PLAC1: variants seen among roughly 807,000 people sequenced by gnomAD.
PLAC1 encodes the protein placenta associated 1, also known as placenta-specific protein 1.
For synonymous variants in PLAC1, 68 were observed against 62.1 expected, an observed-to-expected ratio of 1.09 and a Z score of -0.44; for missense variants, 136 against 163.2, an observed-to-expected ratio of 0.83 and a Z score of 0.91.
intron 1 of PLAC1, among the ~76,000 whole-genome samples, chrX:134,635,123 A>T (rs2078277637): frequency 9.0e-6 from 1 of 111,607 alleles, no homozygotes; most frequent in South Asian, 3.8e-4. Context: ...TTGTTAAGGG[A>T]ACAACTTTTA....
chrX:134,590,948 T>G (rs1235528861), intron 2 of PLAC1, among the ~76,000 whole-genome samples: 1 of 106,381 alleles, frequency 9.4e-6, no homozygotes. Flanking sequence ...ACATCAGTTG[T>G]CAGATACAGA....
At chrX:134,575,956 A>T (rs2077936972) in intron 2 of PLAC1, among the ~76,000 whole-genome samples, 1 of 108,354 alleles carries the variant, frequency 9.2e-6, no homozygotes, top group Non-Finnish European at 1.9e-5. Context: ...ATATCTAATA[A>T]TATATACATA....
intron 2 of PLAC1, chrX:134,599,436 C>G (rs1261530169): frequency 9.0e-6 from 1 of 111,723 alleles, no homozygotes; most frequent in Non-Finnish European, 1.9e-5. Flanking sequence ...CTCAGCACTT[C>G]TCTCTCCTGC....
intron 2 of PLAC1, among the ~76,000 whole-genome samples, chrX:134,684,527 C>T (rs1482300556): frequency 9.0e-6 from 1 of 110,510 alleles, no homozygotes; most frequent in East Asian, 2.8e-4. Context: ...CCTCGAAAGA[C>T]AGGTCATCTG....
At chrX:134,591,362 T>C (rs754666264) in intron 2 of PLAC1, among the ~76,000 whole-genome samples, 1 of 112,573 alleles carries the variant, frequency 8.9e-6, no homozygotes, top group Non-Finnish European at 1.9e-5. Context: ...CCTGGGTGCT[T>C]CTTTTGCCAA....
intron 2 of PLAC1, among the ~76,000 whole-genome samples, chrX:134,698,758 C>T (rs898165750): frequency 2.7e-5 from 3 of 111,714 alleles, no homozygotes; most frequent in Non-Finnish European, 5.6e-5. Flanking sequence ...TGACATCTCC[C>T]CTTGAGCTCT....
chrX:134,634,140 G>GA lies in PLAC1; in HGVS notation c.-131+24187dup, dbSNP rs771265698. Among the ~76,000 whole-genome samples, 45 of 111,705 alleles carry GA rather than the reference G, an allele frequency of 4.0e-4. 1 individual carries two copies. In the East Asian group the frequency reaches 7.6e-3, roughly 19 times the overall value. On this transcript the variant is annotated intron_variant, in intron 1 of 2. Coordinates refer to ENST00000359237, the MANE Select transcript of PLAC1 (RefSeq NM_021796.4). ...TGGGTTGGATGTTTCTATAAAGGGGGAAAAAAACCCCAAAGGCTTATGGGT... is the reference window on the plus strand; with the variant it reads ...TGGGTTGGATGTTTCTATAAAGGGGGAAAAAAAACCCCAAAGGCTTATGGGT...
intron 2 of PLAC1, among the ~76,000 whole-genome samples, chrX:134,695,088 T>C (rs773957975): frequency 1.4e-3 from 162 of 111,990 alleles, no homozygotes; most frequent in Non-Finnish European, 2.5e-3. Flanking sequence ...ACCAAATTAT[T>C]AAGATATGAT....
intron 2 of PLAC1, among the ~76,000 whole-genome samples, chrX:134,575,342 A>C (rs1602789148): frequency 9.0e-6 from 1 of 110,886 alleles, no homozygotes; most frequent in South Asian, 3.8e-4. Context: ...ATATCAAAAA[A>C]CATAACAATT....
rs1357122044 is a variant in PLAC1 at position 134,750,863 on chromosome X, TTA to T, written n.89+13369_89+13370del. Among the ~76,000 whole-genome samples the T allele has an allele frequency of 6.8e-4, 13 of 19,151 alleles. 3 individuals are homozygous for T. Among genetic ancestry groups the T allele is most frequent in the Non-Finnish European group, 8.6e-4 (12 of 13,888 alleles). The allele number at this position is 19,151 out of a possible 115,157, so 16.6% of individuals were successfully genotyped here. ...TATATATATTTATATATATATATTTTTATATATATATATTTATAAATATATAT... is the reference window on the plus strand; with the variant it reads ...TATATATATTTATATATATATATTTTTATATATATATTTATAAATATATAT... On this transcript the variant is annotated intron_variant and non_coding_transcript_variant, in intron 1 of 2. Coordinates refer to the PLAC1 transcript ENST00000466797.
intron 2 of PLAC1, among the ~76,000 whole-genome samples, chrX:134,706,980 A>G (rs2078606684): frequency 8.9e-6 from 1 of 112,261 alleles, no homozygotes; most frequent in Non-Finnish European, 1.9e-5. Context: ...GAGAGGGAAT[A>G]AAAGGTGAGG....
chrX:134,693,205 C>T (rs2078550262), intron 2 of PLAC1, among the ~76,000 whole-genome samples: 1 of 111,223 alleles, frequency 9.0e-6, no homozygotes, highest in African/African-American at 3.3e-5. Flanking sequence ...CATGTCTTGG[C>T]TTTCTCCCTG....
In PLAC1 at chrX:134,671,571, G is replaced by A. The variant is rs746239019; in HGVS notation, n.174+61864C>T. Reference sequence around the variant, plus strand: ...CGGAAGGTGAAGAGGAAGCAAGCACGTCTTACCATGGTAGAACAGGAGAGA... The same window carrying A: ...CGGAAGGTGAAGAGGAAGCAAGCACATCTTACCATGGTAGAACAGGAGAGA... On this transcript the variant is annotated intron_variant and non_coding_transcript_variant, in intron 2 of 2. Transcript: ENST00000466797. 4.7e-4 allele frequency among the ~76,000 whole-genome samples: 52 copies of A among 109,481 alleles called. 1 individual carries two copies. In the South Asian group the frequency reaches 9.2e-3, roughly 19 times the overall value.
At chrX:134,716,218 T>C (rs1261437395) in intron 2 of PLAC1, among the ~76,000 whole-genome samples, 2 of 112,467 alleles carry the variant, frequency 1.8e-5, no homozygotes, top group Non-Finnish European at 3.8e-5. Flanking sequence ...AATGTATCTA[T>C]AGGAAGAGTG....
At chrX:134,704,101 A>G (rs1395207885) in intron 2 of PLAC1, among the ~76,000 whole-genome samples, 1 of 107,042 alleles carries the variant, frequency 9.3e-6, no homozygotes, top group South Asian at 4.3e-4. Context: ...TAACAGAAAT[A>G]CAACTTCCAA....
chrX:134,609,934 T>C (rs1038953480), intron 1 of PLAC1, among the ~76,000 whole-genome samples: 2 of 111,730 alleles, frequency 1.8e-5, no homozygotes, highest in Admixed American at 9.6e-5. Flanking sequence ...GTTCAGTTCA[T>C]AGTATAAGCA....
intron 2 of PLAC1, among the ~76,000 whole-genome samples, chrX:134,730,006 GT>G (rs1422132802): frequency 9.0e-6 from 1 of 110,926 alleles, no homozygotes; most frequent in Non-Finnish European, 1.9e-5. Flanking sequence ...GGCCAGGCTG[GT>G]CTCGAACTCC....
intron 1 of PLAC1, among the ~76,000 whole-genome samples, chrX:134,625,324 C>G (rs766166533): frequency 1.8e-5 from 2 of 112,204 alleles, no homozygotes; most frequent in East Asian, 5.6e-4. Context: ...GTAGTCAGTA[C>G]TTCTAAGCTA....
chrX:134,610,589 C>A (rs960956639), intron 1 of PLAC1, among the ~76,000 whole-genome samples: 1 of 111,134 alleles, frequency 9.0e-6, no homozygotes, highest in Non-Finnish European at 1.9e-5. Context: ...TTGCTCCTTA[C>A]CCATATGAAT....
Sources: allele counts gnomAD v4.1 joint callset (sites outside exome capture counted in the v4.1 genomes callset), GRCh38; gene constraint gnomAD v4.1.1; transcripts MANE v1.5; gene names NCBI Gene and HGNC (gene_info 2026-07-23, HGNC 2026-07-21).